Variants in CFAP20DC observed in about 807,000 individuals in gnomAD.
CFAP20DC encodes the protein protein CFAP20DC.
CFAP20DC carries 84 observed loss-of-function variants against 101.7 expected under a neutral mutation model. That is an observed-to-expected ratio of 0.83 (90% CI 0.69 to 0.99). CFAP20DC has a LOEUF of 0.99. Ranked by LOEUF, CFAP20DC falls within the 50% of genes least tolerant of loss-of-function variation. The pLI, the probability that CFAP20DC is intolerant of heterozygous loss-of-function variation, is 0.00. For missense variants in CFAP20DC, 1,007 were observed against 970.3 expected (o/e 1.04, Z -0.50); for synonymous variants, 359 against 351.2 (o/e 1.02, Z -0.25).
chr3:58,923,828 TACTC>T (rs1189661173), intron 5 of CFAP20DC, among the ~76,000 whole-genome samples: 1 of 152,180 alleles, frequency 6.6e-6, no homozygotes, highest in African/African-American at 2.4e-5. Context: ...TTTCTTCTCT[TACTC>T]TCTCTCTGCT....
chr3:58,950,731 T>C lies in CFAP20DC; in HGVS notation c.279-12969A>G, dbSNP rs944725462. 1.1e-3 allele frequency among the ~76,000 whole-genome samples: 172 copies of C among 152,304 alleles called. 2 individuals are homozygous for C. The highest frequency in any genetic ancestry group is 3.2e-4 in the Non-Finnish European group (22 of 68,022). ...ATATGTAGAAAGCTGAAGCTGGATC[T>C]CTTCCTTACAGCTCATACAAAAATT... On this transcript the variant is annotated intron_variant, in intron 4 of 16. Coordinates refer to ENST00000482387, the MANE Select transcript of CFAP20DC (RefSeq NM_001394063.1).
At chr3:58,723,303 G>C (rs754479600) in intron 3 of CFAP20DC, among the ~76,000 whole-genome samples, 1 of 152,178 alleles carries the variant, frequency 6.6e-6, no homozygotes, top group Non-Finnish European at 1.5e-5. Context: ...CAGAGGGGTA[G>C]AGGTTCCTCC....
Position 58,788,492 on chromosome 3 carries a change from C to T in CFAP20DC, c.2237+17903G>A, listed in dbSNP as rs145260145. On this transcript the variant is annotated intron_variant, in intron 15 of 16. Coordinates refer to ENST00000482387, the MANE Select transcript of CFAP20DC (RefSeq NM_001394063.1). This position sits in a 1 kb window ranked among gnomAD's most constrained non-coding sequence, Gnocchi z 4.2. ...TAGTTTATCACCTCAACTTCTAGCA[C>T]GACTTTCCTAAATCTCAGCAAGACG... 4.0e-4 allele frequency among the ~76,000 whole-genome samples: 61 copies of T among 152,246 alleles called. No homozygotes were observed. The highest frequency in any genetic ancestry group is 2.2e-4 in the African/African-American group (9 of 41,546).
chr3:58,906,328 A>T (rs1372082810), intron 6 of CFAP20DC, among the ~76,000 whole-genome samples: 2 of 152,098 alleles, frequency 1.3e-5, no homozygotes, highest in Non-Finnish European at 2.9e-5. Context: ...TTGTCCTTTT[A>T]TGTGTAATTG....
chr3:58,931,754 G>A (rs960371920), intron 5 of CFAP20DC, among the ~76,000 whole-genome samples: 4 of 152,170 alleles, frequency 2.6e-5, no homozygotes, highest in Non-Finnish European at 4.4e-5. Context: ...AAAGGACATC[G>A]ACACCAAAAA....
rs1246508756 is a variant in CFAP20DC, at chr3:58,936,160, C to G, written c.393+1488G>C. 2.0e-4 allele frequency among the ~76,000 whole-genome samples: 31 copies of G among 152,122 alleles called. No individual in the cohort carries two copies. The East Asian group carries it at 2.5e-3, about 12-fold the overall frequency. On this transcript the variant is annotated intron_variant, in intron 5 of 16. Coordinates refer to ENST00000482387, the MANE Select transcript of CFAP20DC (RefSeq NM_001394063.1). ...AAAGAAGACATTTATGCAGCCAAAACACACATGAAAAAATGCTCATCATCA... is the reference window on the plus strand; with the variant it reads ...AAAGAAGACATTTATGCAGCCAAAAGACACATGAAAAAATGCTCATCATCA...
At chr3:58,794,599 T>C (rs2073101120) in intron 15 of CFAP20DC, among the ~76,000 whole-genome samples, 1 of 152,180 alleles carries the variant, frequency 6.6e-6, no homozygotes, top group Non-Finnish European at 1.5e-5. Context: ...TGTAATGTTT[T>C]TCATTAACAA....
intron 15 of CFAP20DC, among the ~76,000 whole-genome samples, chr3:58,803,253 T>G (rs1015211185): frequency 1.4e-4 from 21 of 152,208 alleles, no homozygotes; most frequent in Non-Finnish European, 4.4e-5. Flanking sequence ...GGCATTACTC[T>G]AATCACAGCC....
At chr3:58,751,507 A>T (rs1341838371) in intron 16 of CFAP20DC, among the ~76,000 whole-genome samples, 1 of 151,874 alleles carries the variant, frequency 6.6e-6, no homozygotes, top group Non-Finnish European at 1.5e-5. Context: ...GTGGGAGGAG[A>T]GGGGGCCGGC....
intron 4 of CFAP20DC, among the ~76,000 whole-genome samples, chr3:59,033,995 G>A (rs1026300800): frequency 3.9e-5 from 6 of 152,296 alleles, no homozygotes; most frequent in Admixed American, 2.0e-4. Context: ...GACTAACAAT[G>A]GATCTCTCTG....
chr3:58,723,622 T>C (rs980432250), intron 3 of CFAP20DC, among the ~76,000 whole-genome samples: 1 of 152,230 alleles, frequency 6.6e-6, no homozygotes, highest in Admixed American at 6.5e-5. Context: ...ATGTGAGTGG[T>C]GGTTAGGAGC....
intron 4 of CFAP20DC, among the ~76,000 whole-genome samples, chr3:59,028,564 T>C (rs2093932861): frequency 6.6e-6 from 1 of 152,148 alleles, no homozygotes; most frequent in Non-Finnish European, 1.5e-5. Context: ...TATAGTCAAA[T>C]AGAAAAATAA....
In CFAP20DC at chr3:58,978,086, C is replaced by T. The variant is rs759902707; in HGVS notation, c.279-40324G>A. Reference sequence around the variant, plus strand: ...GTAGGCTAGTGAGTGCCAAGGCCTGCATAGCTCTTTGTTCCTGGGTGGAGC... The same window carrying T: ...GTAGGCTAGTGAGTGCCAAGGCCTGTATAGCTCTTTGTTCCTGGGTGGAGC... On this transcript the variant is annotated intron_variant, in intron 4 of 16. Transcript: ENST00000482387. Among the ~76,000 whole-genome samples, 10 of 152,262 alleles carry T rather than the reference C, an allele frequency of 6.6e-5. No individual in the cohort carries two copies. The South Asian group carries it at 1.9e-3, about 28-fold the overall frequency.
intron 4 of CFAP20DC, among the ~76,000 whole-genome samples, chr3:59,026,061 T>C (rs181149826): frequency 1.6e-4 from 24 of 152,288 alleles, no homozygotes; most frequent in African/African-American, 5.5e-4. Flanking sequence ...GCAAATTTAA[T>C]ATATTAAGAA....
chr3:58,936,000 G>A (rs1348376775), intron 5 of CFAP20DC, among the ~76,000 whole-genome samples: 3 of 151,900 alleles, frequency 2.0e-5, no homozygotes, highest in African/African-American at 7.3e-5. Context: ...TACAAAATGG[G>A]AGAAAATTTT....
chr3:58,813,387 T>C (rs1194481560), intron 14 of CFAP20DC, among the ~76,000 whole-genome samples: 1 of 152,008 alleles, frequency 6.6e-6, no homozygotes, highest in African/African-American at 2.4e-5. Context: ...AATGCGATTC[T>C]AATAAGAAAT....
At chr3:59,036,048 T>G (rs1345588750) in intron 4 of CFAP20DC, among the ~76,000 whole-genome samples, 1 of 152,082 alleles carries the variant, frequency 6.6e-6, no homozygotes, top group Non-Finnish European at 1.5e-5. Flanking sequence ...CAATGACAAA[T>G]ACCTCATGAT....
Position 58,846,706 on chromosome 3 carries a change from A to C in CFAP20DC, c.1971+2326T>G, listed in dbSNP as rs561090151. ...AACCAAAAAAGAGCCCGCATCGCCA[A>C]GTCAATCCTAAGCCAAAAGAACAAA... On this transcript the variant is annotated intron_variant, in intron 13 of 16. Transcript: ENST00000482387. Among the ~76,000 whole-genome samples the C allele has an allele frequency of 1.2e-4, 18 of 151,482 alleles. No individual in the cohort carries two copies. The South Asian group carries it at 3.8e-3, about 32-fold the overall frequency.
At chr3:58,768,985 G>GAATTT (rs1202688356) in intron 15 of CFAP20DC, among the ~76,000 whole-genome samples, 1 of 152,168 alleles carries the variant, frequency 6.6e-6, no homozygotes, top group East Asian at 1.9e-4. Flanking sequence ...CTTATAAAAA[G>GAATTT]GTAAGAACAG....
Sources: allele counts gnomAD v4.1 joint callset (sites outside exome capture counted in the v4.1 genomes callset), GRCh38; gene constraint gnomAD v4.1.1; non-coding constraint Gnocchi (gnomAD v3.1); transcripts MANE v1.5; gene names NCBI Gene and HGNC (gene_info 2026-07-23, HGNC 2026-07-21).